Variants in SGCZ observed in about 807,000 individuals in gnomAD.
SGCZ encodes zeta-sarcoglycan.
In SGCZ, 40 loss-of-function variants were observed where a neutral mutation model predicts 41.3. The observed-to-expected ratio is 0.97, with a 90% CI of 0.75 to 1.26. The LOEUF is 1.26. Ranked by LOEUF, SGCZ falls within the 50% of genes most tolerant of loss-of-function variation. The probability of loss-of-function intolerance (pLI) is 0.00; values close to 1 mark genes in which losing one functional copy is unlikely to be tolerated. For missense variants in SGCZ, 552 were observed against 369.8 expected, an observed-to-expected ratio of 1.49 and a Z score of -4.04; for synonymous variants, 206 against 137.5, an observed-to-expected ratio of 1.50 and a Z score of -3.49.
At chr8:14,815,840 G>A (rs1333325138) in intron 1 of SGCZ, among the ~76,000 whole-genome samples, 2 of 152,200 alleles carry the variant, frequency 1.3e-5, no homozygotes, top group Admixed American at 6.5e-5. Context: ...AAACACAGGA[G>A]ATTCTTAAGA....
intron 1 of SGCZ, among the ~76,000 whole-genome samples, chr8:14,954,866 C>T (rs758947222): frequency 2.6e-5 from 4 of 152,108 alleles, no homozygotes; most frequent in Non-Finnish European, 5.9e-5. Context: ...ACTGTTAAGT[C>T]ATTGTTTGTG....
At chr8:14,689,884 G>C (rs1345532569) in intron 1 of SGCZ, among the ~76,000 whole-genome samples, 2 of 152,188 alleles carry the variant, frequency 1.3e-5, no homozygotes, top group African/African-American at 4.8e-5. Context: ...AATGGGCGGA[G>C]ACTGGTTGTT....
intron 2 of SGCZ, among the ~76,000 whole-genome samples, chr8:14,534,134 G>A (rs1382708122): frequency 6.6e-6 from 1 of 151,986 alleles, no homozygotes; most frequent in Non-Finnish European, 1.5e-5. Flanking sequence ...ACTTGGAGTT[G>A]GAAACTGGAG....
chr8:15,125,635 T>C (rs1201086195), intron 1 of SGCZ, among the ~76,000 whole-genome samples: 1 of 152,214 alleles, frequency 6.6e-6, no homozygotes, highest in Non-Finnish European at 1.5e-5. Context: ...CTGGAATATA[T>C]CTCAATGATT....
intron 3 of SGCZ, among the ~76,000 whole-genome samples, chr8:14,273,905 C>T (rs17229197): frequency 0.26 from 38,953 of 152,046 alleles, 6,390 homozygotes; most frequent in Non-Finnish European, 0.37. Context: ...AAAATGTTTA[C>T]GTTGTTTTAC....
intron 2 of SGCZ, among the ~76,000 whole-genome samples, chr8:14,438,476 A>C (rs962500224): frequency 2.8e-4 from 42 of 152,012 alleles, no homozygotes; most frequent in Non-Finnish European, 5.7e-4. Flanking sequence ...CTAACTGAAG[A>C]GTTCAATAAC....
intron 1 of SGCZ, among the ~76,000 whole-genome samples, chr8:14,699,735 T>A (rs1471722958): frequency 6.6e-6 from 1 of 151,776 alleles, no homozygotes; most frequent in African/African-American, 2.4e-5. Flanking sequence ...AGGTCTAATA[T>A]CCAGAACCCG....
At chr8:14,675,222 G>A (rs1808235518) in intron 1 of SGCZ, among the ~76,000 whole-genome samples, 1 of 151,588 alleles carries the variant, frequency 6.6e-6, no homozygotes, top group Non-Finnish European at 1.5e-5. Context: ...TTACAGGTGT[G>A]AGCCACCGCA....
intron 1 of SGCZ, among the ~76,000 whole-genome samples, chr8:15,133,201 C>G (rs185349886): frequency 9.6e-4 from 146 of 151,830 alleles, no homozygotes; most frequent in African/African-American, 3.3e-3. Context: ...TACCTAATTT[C>G]CCAAGTAACA....
chr8:14,627,624 T>C (rs542371579), intron 1 of SGCZ, among the ~76,000 whole-genome samples: 4 of 152,016 alleles, frequency 2.6e-5, no homozygotes, highest in Admixed American at 6.6e-5. Flanking sequence ...TAATTTTAGA[T>C]TTCAGCACTT....
At chr8:14,582,071 TATG>T (rs1167882824) in intron 1 of SGCZ, among the ~76,000 whole-genome samples, 48 of 152,190 alleles carry the variant, frequency 3.2e-4, no homozygotes, top group African/African-American at 1.1e-3. Flanking sequence ...TGAAGAACTT[TATG>T]ATGATCTACT....
At chr8:14,244,174 C>G (rs1236752692) in intron 3 of SGCZ, among the ~76,000 whole-genome samples, 2 of 149,382 alleles carry the variant, frequency 1.3e-5, no homozygotes, top group Non-Finnish European at 3.0e-5. Context: ...CTTCCTCCTC[C>G]TCTTCCTTCT....
At chr8:14,782,987 A>C (rs576550108) in intron 1 of SGCZ, among the ~76,000 whole-genome samples, 2 of 152,342 alleles carry the variant, frequency 1.3e-5, no homozygotes, top group South Asian at 4.1e-4. Context: ...TATAAACTTA[A>C]ATATTCTGCA....
chr8:14,879,506 C>G (rs1804496839), intron 1 of SGCZ, among the ~76,000 whole-genome samples: 1 of 151,866 alleles, frequency 6.6e-6, no homozygotes, highest in Non-Finnish European at 1.5e-5. Flanking sequence ...TCTCCTGATT[C>G]AGCCCATTGT....
chr8:14,995,693 C>A (rs1055954075), intron 1 of SGCZ, among the ~76,000 whole-genome samples: 14 of 152,142 alleles, frequency 9.2e-5, no homozygotes, highest in Non-Finnish European at 1.8e-4. Context: ...TTAAGTTCAG[C>A]GTCTTCACAT....
At chr8:14,611,044 G>C (rs1805912001) in intron 1 of SGCZ, among the ~76,000 whole-genome samples, 1 of 152,064 alleles carries the variant, frequency 6.6e-6, no homozygotes, top group Admixed American at 6.6e-5. Context: ...AATCAAGAAA[G>C]AAATCTTTTA....
intron 1 of SGCZ, among the ~76,000 whole-genome samples, chr8:15,172,710 G>C (rs530654009): frequency 6.6e-6 from 1 of 152,024 alleles, no homozygotes; most frequent in Non-Finnish European, 1.5e-5. Flanking sequence ...ATCTTCCTGG[G>C]ATAGAATTTT....
At chr8:14,163,316 T>C (rs1469398224) in intron 5 of SGCZ, among the ~76,000 whole-genome samples, 3 of 152,148 alleles carry the variant, frequency 2.0e-5, no homozygotes, top group African/African-American at 7.2e-5. Flanking sequence ...CTCTCCCTCC[T>C]CCCAACTTCC....
chr8:14,971,824 A>G lies in SGCZ; in HGVS notation c.39+265761T>C, dbSNP rs553878517. 4.6e-5 allele frequency among the ~76,000 whole-genome samples: 7 copies of G among 151,706 alleles called. No individual in the cohort carries two copies. In the East Asian group the frequency reaches 1.4e-3, roughly 30 times the overall value. On this transcript the variant is annotated intron_variant, in intron 1 of 7. Coordinates refer to ENST00000382080, the MANE Select transcript of SGCZ (RefSeq NM_139167.4). ...GCCACAATGCCGAGATAATCTTTGT[A>G]TTTTTAGTAGAGACGGGGTTTCACC...
Sources: gnomAD v4.1 joint callset for allele counts (sites outside exome capture counted in the v4.1 genomes callset) on GRCh38, gnomAD v4.1.1 for gene constraint, MANE v1.5 for transcripts, NCBI Gene and HGNC (gene_info 2026-07-23, HGNC 2026-07-21) for gene names.